Variants in OGN observed in about 807,000 individuals in gnomAD.
OGN encodes osteoglycin.
Under a neutral mutation model 30.8 loss-of-function variants are expected in OGN, and 19 were observed. The ratio of observed to expected loss-of-function variants is 0.62; its 90% CI spans 0.43 to 0.90. The LOEUF is 0.90. Ranked by LOEUF, OGN falls within the 40% of genes least tolerant of loss-of-function variation. The pLI is 0.00. For missense variants in OGN, 283 were observed against 349.7 expected, an observed-to-expected ratio of 0.81 and a Z score of 1.52; for synonymous variants, 126 against 128.3, an observed-to-expected ratio of 0.98 and a Z score of 0.12.
chr9:92,391,494 G>A (rs1023984071), intron 4 of OGN, among the ~76,000 whole-genome samples: 1 of 152,030 alleles, frequency 6.6e-6, no homozygotes, highest in Non-Finnish European at 1.5e-5. Context: ...AGCTACTTGC[G>A]AGACTGAGGG....
chr9:92,402,862 T>A (rs1178904694), intron 2 of OGN, among the ~76,000 whole-genome samples: 2 of 152,220 alleles, frequency 1.3e-5, no homozygotes, highest in Non-Finnish European at 2.9e-5. Flanking sequence ...AATTCATCTT[T>A]ATTTCTCCAA....
chr9:92,396,222 A>C (rs1471401838), intron 3 of OGN, among the ~76,000 whole-genome samples: 5 of 152,200 alleles, frequency 3.3e-5, no homozygotes, highest in Non-Finnish European at 7.4e-5. Flanking sequence ...GACCCACTTT[A>C]ACATTTTTAT....
intron 3 of OGN, among the ~76,000 whole-genome samples, chr9:92,399,356 T>A (rs1843016866): frequency 6.6e-6 from 1 of 152,214 alleles, no homozygotes; most frequent in South Asian, 2.1e-4. Flanking sequence ...TTGTGAACTG[T>A]CATTTTTCCA....
rs146201969 is a variant in OGN, at chr9:92,394,283, C to T, written c.269-1039G>A. ...TTTGAGACAGAGTCTTGCCCTGTTG[C>T]TCATGCTGGAGTGTGGTGGTGTGAT... On this transcript the variant is annotated intron_variant, in intron 3 of 6. Transcript: ENST00000375561. 3.9e-3 allele frequency among the ~76,000 whole-genome samples: 593 copies of T among 152,156 alleles called. 2 individuals are homozygous for T. The highest frequency in any genetic ancestry group is 0.013 in the African/African-American group (550 of 41,530).
At chr9:92,397,782 G>A (rs1842950654) in intron 3 of OGN, among the ~76,000 whole-genome samples, 2 of 152,120 alleles carry the variant, frequency 1.3e-5, no homozygotes, top group African/African-American at 4.8e-5. Flanking sequence ...TTTCTCCACA[G>A]ATAATACACA....
Position 92,393,279 on chromosome 9 carries a change from A to G in OGN, c.269-35T>C, listed in dbSNP as rs866734754. ...GAATAAAATCATAAAAATATGAACA[A>G]TCGTTTGAAAATATTTCTCCTCTAG... On this transcript the variant is annotated intron_variant, in intron 3 of 6. Coordinates refer to ENST00000375561, the MANE Select transcript of OGN (RefSeq NM_014057.5). 14 of 1,534,140 alleles carry G rather than the reference A, an allele frequency of 9.1e-6. No homozygotes were observed. In the African/African-American group the frequency reaches 1.5e-4, roughly 17 times the overall value.
Position 92,389,876 on chromosome 9 carries a change from C to G in OGN, c.608G>C (p.Gly203Ala). Residue 203 changes from glycine to alanine, a missense_variant, in exon 5 of 7, where the codon GGA becomes GCA. Transcript: ENST00000375561. The part of the protein sequence containing the change: ...NAKYNKIKSR[G>A]IKANAFKKLN... ...TACTTTGAATGCATTTGCTTTGATT[C>G]CCCTACTCTTGATTTTGTTGTATTT... is the stretch of plus-strand genomic sequence containing the variant. 6.2e-7 allele frequency: 1 copy of G among 1,611,448 alleles called. No homozygotes were observed.
At chr9:92,398,707 T>C (rs1017004797) in intron 3 of OGN, among the ~76,000 whole-genome samples, 3 of 152,248 alleles carry the variant, frequency 2.0e-5, no homozygotes, top group Admixed American at 6.5e-5. Context: ...TTCTGATATT[T>C]TGCAATTGCA....
intron 5 of OGN, 133 bp from the exon 6 acceptor site, chr9:92,386,429 T>C (rs1345315989): frequency 5.0e-6 from 3 of 600,964 alleles, no homozygotes; most frequent in Non-Finnish European, 8.9e-6. Flanking sequence ...ACATCAATTA[T>C]ATCAATTGTT....
At chr9:92,388,449 A>C (rs1307333052) in intron 5 of OGN, among the ~76,000 whole-genome samples, 1 of 152,064 alleles carries the variant, frequency 6.6e-6, no homozygotes, top group Non-Finnish European at 1.5e-5. Flanking sequence ...GGCGTGAGCC[A>C]CTGAACCTGT....
chr9:92,394,127 C>G (rs1415458557), intron 3 of OGN, among the ~76,000 whole-genome samples: 1 of 152,154 alleles, frequency 6.6e-6, no homozygotes, highest in African/African-American at 2.4e-5. Flanking sequence ...TTGTGACTAA[C>G]CAAATAGTGA....
intron 3 of OGN, among the ~76,000 whole-genome samples, chr9:92,394,110 G>T (rs969034302): frequency 6.6e-6 from 1 of 152,062 alleles, no homozygotes; most frequent in African/African-American, 2.4e-5. Flanking sequence ...ATTCTTACCC[G>T]AATCATTTGT....
chr9:92,391,418 A>T (rs922517112), intron 4 of OGN, among the ~76,000 whole-genome samples: 2 of 151,536 alleles, frequency 1.3e-5, no homozygotes, highest in African/African-American at 4.9e-5. Flanking sequence ...AAAAATAAAT[A>T]AATTAAATTA....
rs1842345039 is a variant in OGN at position 92,384,366 on chromosome 9, A to T, written c.*1254T>A. 1 of 152,192 alleles carries T rather than the reference A, an allele frequency of 6.6e-6. No homozygotes were observed. The highest frequency in any genetic ancestry group is 2.4e-5 in the African/African-American group (1 of 41,468). The allele number at this position is 152,192 out of a possible 1,614,324, so 9.4% of individuals were successfully genotyped here. A position where few individuals can be genotyped will look rare whatever the true frequency, so the allele number is the denominator to read the frequency against. On this transcript the variant is annotated 3_prime_UTR_variant, in exon 7 of 7. Coordinates refer to ENST00000375561, the MANE Select transcript of OGN (RefSeq NM_014057.5). ...GTATTCTGTACACAGAGACAACTTG[A>T]TTTCAATACATACTTTATGGTGGAA...
intron 5 of OGN, 41 bp downstream of exon 5, chr9:92,389,810 TATC>T (rs1453201155): frequency 1.5e-6 from 2 of 1,301,372 alleles, no homozygotes; most frequent in Admixed American, 1.9e-5. Context: ...TTATCTATCA[TATC>T]ATCACTCATA....
At chr9:92,387,546 C>T (rs1352064486) in intron 5 of OGN, among the ~76,000 whole-genome samples, 1 of 151,860 alleles carries the variant, frequency 6.6e-6, no homozygotes, top group Non-Finnish European at 1.5e-5. Context: ...ACTCTTTTAC[C>T]TTATCTTCAA....
At chr9:92,389,128 T>A (rs1842563244) in intron 5 of OGN, among the ~76,000 whole-genome samples, 1 of 152,172 alleles carries the variant, frequency 6.6e-6, no homozygotes, top group African/African-American at 2.4e-5. Flanking sequence ...AACCTTGCCT[T>A]TTGAATGAGA....
chr9:92,393,412 A>T (rs963135562), intron 3 of OGN, among the ~76,000 whole-genome samples, 168 bp from the exon 4 acceptor site: 3 of 152,220 alleles, frequency 2.0e-5, no homozygotes, highest in Non-Finnish European at 4.4e-5. Flanking sequence ...GTGCTTGATA[A>T]TTCACCAGAA....
chr9:92,386,793 G>A (rs1842440142), intron 5 of OGN, among the ~76,000 whole-genome samples: 1 of 151,980 alleles, frequency 6.6e-6, no homozygotes, highest in Non-Finnish European at 1.5e-5. Context: ...CATGTTGGCT[G>A]GTATGGTATC....
Sources: gnomAD v4.1 joint callset for allele counts (sites outside exome capture counted in the v4.1 genomes callset) on GRCh38, gnomAD v4.1.1 for gene constraint, MANE v1.5 for transcripts, NCBI Gene and HGNC (gene_info 2026-07-23, HGNC 2026-07-21) for gene names.